Variants in TBC1D19 observed in about 807,000 individuals in gnomAD.
TBC1D19 encodes the protein TBC1 domain family member 19.
A neutral mutation model predicts 89.0 loss-of-function variants in TBC1D19; 60 were observed. The observed-to-expected ratio is 0.67, with a 90% CI of 0.55 to 0.84. The LOEUF (loss-of-function observed/expected upper bound fraction) is 0.84. Among genes scored for constraint, TBC1D19 ranks in the 40% least tolerant of loss-of-function variants. TBC1D19 has a pLI of 0.00. For synonymous variants in TBC1D19, 189 were observed against 199.7 expected (o/e 0.95, Z 0.45); for missense variants, 500 against 610.8 (o/e 0.82, Z 1.91).
chr4:26,771,763 G>A, the TBC1D19 span, among the ~76,000 whole-genome samples: 1 of 152,014 alleles, frequency 6.6e-6, no homozygotes, highest in Admixed American at 6.6e-5. Context: ...CAACAATACT[G>A]TATTATACAC....
At chr4:26,838,198 G>A in the TBC1D19 span, among the ~76,000 whole-genome samples, 2 of 152,002 alleles carry the variant, frequency 1.3e-5, no homozygotes, top group Non-Finnish European at 2.9e-5. Flanking sequence ...TGCAACTTCC[G>A]ATACCACCTG....
At chr4:26,712,502 A>G (rs1265782028) in intron 13 of TBC1D19, among the ~76,000 whole-genome samples, 4 of 152,064 alleles carry the variant, frequency 2.6e-5, no homozygotes. Context: ...CCTTGGTTAC[A>G]TTGGGCCCAG....
intron 15 of TBC1D19, among the ~76,000 whole-genome samples, chr4:26,722,967 C>T (rs1409230124): frequency 6.6e-6 from 1 of 152,070 alleles, no homozygotes; most frequent in African/African-American, 2.4e-5. Context: ...GCCCTACTGC[C>T]TCAGAAGATG....
intron 7 of TBC1D19, among the ~76,000 whole-genome samples, chr4:26,643,933 T>C (rs1360810611): frequency 6.6e-6 from 1 of 151,984 alleles, no homozygotes; most frequent in African/African-American, 2.4e-5. Context: ...CAATAATTAA[T>C]AGCCTCCCAA....
the TBC1D19 span, among the ~76,000 whole-genome samples, chr4:26,841,622 C>T: frequency 6.6e-6 from 1 of 152,130 alleles, no homozygotes; most frequent in Admixed American, 6.5e-5. Context: ...CTGTCAGGCT[C>T]AAGGGCATAT....
intron 3 of TBC1D19, among the ~76,000 whole-genome samples, chr4:26,615,189 A>T (rs995349500): frequency 1.3e-5 from 2 of 152,138 alleles, no homozygotes; most frequent in African/African-American, 4.8e-5. Context: ...GTCATTATTA[A>T]GAATATCCAT....
the TBC1D19 span, among the ~76,000 whole-genome samples, chr4:26,779,795 A>G: frequency 6.6e-6 from 1 of 152,188 alleles, no homozygotes; most frequent in African/African-American, 2.4e-5. Context: ...AGGACTGAAC[A>G]TGAACTATTC....
intron 12 of TBC1D19, among the ~76,000 whole-genome samples, chr4:26,686,480 T>C (rs1423962718): frequency 6.6e-6 from 1 of 152,138 alleles, no homozygotes; most frequent in Admixed American, 6.5e-5. Flanking sequence ...CCATTTACTA[T>C]AATCTGATAA....
At chr4:26,677,060 T>G (rs373989791) in intron 11 of TBC1D19, among the ~76,000 whole-genome samples, 1 of 152,160 alleles carries the variant, frequency 6.6e-6, no homozygotes, top group Non-Finnish European at 1.5e-5. Flanking sequence ...AAATTCAAGA[T>G]GTCAACACTC....
chr4:26,644,820 C>A (rs567958817), intron 7 of TBC1D19, among the ~76,000 whole-genome samples: 38 of 152,276 alleles, frequency 2.5e-4, no homozygotes, highest in South Asian at 6.2e-4. Context: ...CTCCCATTTA[C>A]AATTGCTACA....
At chr4:26,645,763 T>A (rs1743874924) in intron 7 of TBC1D19, among the ~76,000 whole-genome samples, 3 of 152,148 alleles carry the variant, frequency 2.0e-5, no homozygotes, top group Admixed American at 2.0e-4. Flanking sequence ...CCATGTGACA[T>A]AGGGTTAATA....
chr4:26,708,470 G>C (rs543832421), intron 13 of TBC1D19, among the ~76,000 whole-genome samples: 2 of 151,898 alleles, frequency 1.3e-5, no homozygotes, highest in Non-Finnish European at 2.9e-5. Context: ...CATCTTACAT[G>C]GAGTTTATTG....
downstream of TBC1D19, among the ~76,000 whole-genome samples, chr4:26,760,441 C>T (rs1719417974): frequency 6.6e-6 from 1 of 152,034 alleles, no homozygotes; most frequent in Non-Finnish European, 1.5e-5. Context: ...TGGTGCACAC[C>T]TGTAGTTTCA....
intron 15 of TBC1D19, among the ~76,000 whole-genome samples, chr4:26,728,447 G>A (rs1717448460): frequency 6.6e-6 from 1 of 152,030 alleles, no homozygotes; most frequent in Non-Finnish European, 1.5e-5. Flanking sequence ...GACAAACTTT[G>A]TAATTATTTT....
intron 1 of TBC1D19, among the ~76,000 whole-genome samples, chr4:26,590,794 C>CCGTTTTT (rs1560400025): frequency 3.1e-5 from 1 of 31,792 alleles, no homozygotes; most frequent in East Asian, 1.3e-3. Flanking sequence ...TCTTGCAGGT[C>CCGTTTTT]TGTTTTTTTT....
chr4:26,669,247 G>T (rs1187399859), intron 9 of TBC1D19, among the ~76,000 whole-genome samples: 1 of 151,842 alleles, frequency 6.6e-6, no homozygotes, highest in Non-Finnish European at 1.5e-5. Context: ...ATACTCAGGA[G>T]CACTCATAAG....
At chr4:26,630,578 A>G (rs1268159530) in intron 4 of TBC1D19, among the ~76,000 whole-genome samples, 3 of 151,926 alleles carry the variant, frequency 2.0e-5, no homozygotes, top group Non-Finnish European at 2.9e-5. Flanking sequence ...AATTGTGTCT[A>G]TAAAACTGGA....
intron 7 of TBC1D19, among the ~76,000 whole-genome samples, chr4:26,656,675 C>T (rs1264236159): frequency 5.9e-5 from 9 of 151,908 alleles, no homozygotes; most frequent in African/African-American, 2.4e-5. Context: ...TCTCCTGCCT[C>T]AGCCTCCCGA....
chr4:26,616,352 G>A (rs148486688), intron 3 of TBC1D19, among the ~76,000 whole-genome samples: 41 of 152,284 alleles, frequency 2.7e-4, no homozygotes, highest in Middle Eastern at 3.4e-3. Flanking sequence ...CTTCTGTGGT[G>A]TATTGAGTTA....
Sources: gnomAD v4.1 joint callset for allele counts (sites outside exome capture counted in the v4.1 genomes callset) on GRCh38, gnomAD v4.1.1 for gene constraint, MANE v1.5 for transcripts, NCBI Gene and HGNC (gene_info 2026-07-23, HGNC 2026-07-21) for gene names.